NPAS3: variants seen among roughly 807,000 people sequenced by gnomAD.
NPAS3 encodes the protein neuronal PAS domain protein 3, also known as neuronal PAS domain-containing protein 3.
A neutral mutation model predicts 73.1 loss-of-function variants in NPAS3; 14 were observed. The ratio of observed to expected loss-of-function variants is 0.19; its 90% CI spans 0.13 to 0.30. The LOEUF (loss-of-function observed/expected upper bound fraction) is 0.30. Among genes scored for constraint, NPAS3 ranks in the 10% least tolerant of loss-of-function variants. The pLI, the probability that NPAS3 is intolerant of heterozygous loss-of-function variation, is 1.00. For synonymous variants in NPAS3, 620 were observed against 541.5 expected, an observed-to-expected ratio of 1.14 and a Z score of -2.01; for missense variants, 1,096 against 1,250.0, an observed-to-expected ratio of 0.88 and a Z score of 1.86.
intron 6 of NPAS3, among the ~76,000 whole-genome samples, chr14:33,718,784 G>C (rs533568431): frequency 2.6e-5 from 4 of 152,178 alleles, no homozygotes; most frequent in Admixed American, 6.5e-5. Context: ...TACGCCCTTC[G>C]TAGGGAAAAG....
At chr14:33,639,463 T>A (rs2058616445) in intron 5 of NPAS3, among the ~76,000 whole-genome samples, 3 of 152,184 alleles carry the variant, frequency 2.0e-5, no homozygotes. Context: ...CTGTGTAAGG[T>A]CTCGCTGGTA....
chr14:33,199,566 G>A (rs2046532994), intron 2 of NPAS3, among the ~76,000 whole-genome samples: 1 of 152,084 alleles, frequency 6.6e-6, no homozygotes, highest in Admixed American at 6.5e-5. Flanking sequence ...TGTAGAAAGG[G>A]GAGGAGACTG....
chr14:32,938,977 C>G (rs2035832519), upstream of NPAS3, among the ~76,000 whole-genome samples: 1 of 146,292 alleles, frequency 6.8e-6, no homozygotes, highest in South Asian at 2.1e-4. Flanking sequence ...GCCGGGCGAG[C>G]AGCGGGAGGA....
Position 33,712,581 on chromosome 14 carries a change from G to GT in NPAS3, c.734-22627dup, listed in dbSNP as rs530617020. ...TCCCTGCCTTAATCACGTAATCACT[G>GT]TTTTTTAAATCACCACTGCCTCTGA... On this transcript the variant is annotated intron_variant, in intron 6 of 11. Transcript: ENST00000356141. 6.6e-5 allele frequency among the ~76,000 whole-genome samples: 10 copies of GT among 152,256 alleles called. No individual in the cohort carries two copies. In the South Asian group the frequency reaches 1.5e-3, roughly 22 times the overall value.
At chr14:32,938,475 G>GAGAAATTGAC (rs2035779853), upstream of NPAS3, among the ~76,000 whole-genome samples, 1 of 123,704 alleles carries the variant, frequency 8.1e-6, no homozygotes, top group Non-Finnish European at 1.8e-5. Context: ...GAGAGAGAGA[G>GAGAAATTGAC]AGAGAGAAAT....
At chr14:33,044,332 A>G (rs2040434294) in intron 1 of NPAS3, among the ~76,000 whole-genome samples, 1 of 152,158 alleles carries the variant, frequency 6.6e-6, no homozygotes, top group Non-Finnish European at 1.5e-5. Context: ...TTACTGTGAT[A>G]CATTTGAACC....
chr14:33,260,626 T>A (rs992551750), intron 3 of NPAS3, among the ~76,000 whole-genome samples: 2 of 152,066 alleles, frequency 1.3e-5, no homozygotes, highest in African/African-American at 4.8e-5. Flanking sequence ...CAACTGGTAT[T>A]TTTATCTACA....
In NPAS3 at chr14:33,679,368, G is replaced by GATGGCTCCAAGGGAATTACTTA. The variant is rs1270362147; in HGVS notation, c.733+2985_733+3006dup. Among the ~76,000 whole-genome samples the GATGGCTCCAAGGGAATTACTTA allele has an allele frequency of 2.6e-5, 4 of 152,316 alleles. No individual in the cohort carries two copies. In the East Asian group the frequency reaches 5.8e-4, roughly 22 times the overall value. ...ATGAAATATCTTCACTAATGCAGAT[G>GATGGCTCCAAGGGAATTACTTA]ATGGCTCCAAGGGAATTACTTAAAA... On this transcript the variant is annotated intron_variant, in intron 6 of 11. Coordinates refer to ENST00000356141, the Ensembl canonical transcript of NPAS3.
chr14:33,112,669 A>T (rs986362224), intron 2 of NPAS3, among the ~76,000 whole-genome samples: 10 of 152,092 alleles, frequency 6.6e-5, no homozygotes, highest in Non-Finnish European at 1.2e-4. Flanking sequence ...TCTTTAGTTT[A>T]ATTAGATCCC....
intron 4 of NPAS3, among the ~76,000 whole-genome samples, chr14:33,451,635 C>T (rs543733847): frequency 2.6e-5 from 4 of 152,190 alleles, no homozygotes; most frequent in South Asian, 2.1e-4. Flanking sequence ...TATGACAATA[C>T]GGTTCATTGT....
At position 33,594,154 on chromosome 14, in the gene NPAS3, C is replaced by G. The variant is rs187143806; in HGVS notation, c.558+33944C>G. ...TCAGATACTAAAATTATCAGGTGCTCAAGCTTCTTCTATAAAATAGCACAG... is the reference window on the plus strand; with the variant it reads ...TCAGATACTAAAATTATCAGGTGCTGAAGCTTCTTCTATAAAATAGCACAG... On this transcript the variant is annotated intron_variant, in intron 5 of 11. Transcript: ENST00000356141. Among the ~76,000 whole-genome samples, 3 of 152,286 alleles carry G rather than the reference C, an allele frequency of 2.0e-5. No individual in the cohort carries two copies. The East Asian group carries it at 5.8e-4, about 29-fold the overall frequency.
intron 3 of NPAS3, among the ~76,000 whole-genome samples, chr14:33,223,260 G>A (rs1053627275): frequency 6.6e-6 from 1 of 152,120 alleles, no homozygotes; most frequent in African/African-American, 2.4e-5. Flanking sequence ...GCAATGAGCC[G>A]AGACTGCGCC....
intron 3 of NPAS3, among the ~76,000 whole-genome samples, chr14:33,318,213 G>C (rs938459325): frequency 1.3e-5 from 2 of 152,052 alleles, no homozygotes; most frequent in Non-Finnish European, 2.9e-5. Flanking sequence ...GAACTTTGAG[G>C]ACATTATGCT....
chr14:33,801,318 G>A, downstream of NPAS3: 1 of 984,090 alleles, frequency 1.0e-6, no homozygotes, highest in South Asian at 1.8e-5. Context: ...AGGGTCAGAC[G>A]ACCAGTTGCC....
chr14:32,993,387 G>A (rs1311109239), intron 1 of NPAS3, among the ~76,000 whole-genome samples: 1 of 152,060 alleles, frequency 6.6e-6, no homozygotes, highest in African/African-American at 2.4e-5. Context: ...TGAAAGCAGG[G>A]GCAGGAAATC....
At chr14:32,960,609 A>G (rs1177108532) in intron 1 of NPAS3, among the ~76,000 whole-genome samples, 1 of 152,190 alleles carries the variant, frequency 6.6e-6, no homozygotes, top group Admixed American at 6.5e-5. Flanking sequence ...GATTTTCTTC[A>G]TTACTCTACC....
intron 6 of NPAS3, among the ~76,000 whole-genome samples, chr14:33,718,210 G>A (rs2061009588): frequency 6.6e-6 from 1 of 151,936 alleles, no homozygotes; most frequent in Non-Finnish European, 1.5e-5. Flanking sequence ...CTGGGTTCTT[G>A]TTTTGTCTAT....
At chr14:33,478,060 G>A (rs991156074) in intron 4 of NPAS3, among the ~76,000 whole-genome samples, 8 of 152,112 alleles carry the variant, frequency 5.3e-5, no homozygotes, top group Admixed American at 2.0e-4. Flanking sequence ...GGCAACACTC[G>A]CATGCCCTCT....
At chr14:33,120,502 A>G (rs188419483) in intron 2 of NPAS3, among the ~76,000 whole-genome samples, 1 of 152,054 alleles carries the variant, frequency 6.6e-6, no homozygotes, top group Non-Finnish European at 1.5e-5. Flanking sequence ...ACAAACATAC[A>G]TGCTTCCTTA....
Sources: allele counts gnomAD v4.1 joint callset (sites outside exome capture counted in the v4.1 genomes callset), GRCh38; gene constraint gnomAD v4.1.1; transcripts MANE v1.5; gene names NCBI Gene and HGNC (gene_info 2026-07-23, HGNC 2026-07-21).